Variants in PCSK2 observed in about 807,000 individuals in gnomAD.
PCSK2 encodes the protein neuroendocrine convertase 2.
Under a neutral mutation model 69.7 loss-of-function variants are expected in PCSK2, and 14 were observed. That is an observed-to-expected ratio of 0.20 (90% CI 0.13 to 0.31). PCSK2 has a LOEUF of 0.31. Ranked by LOEUF, PCSK2 falls within the 10% of genes least tolerant of loss-of-function variation. The pLI, the probability that PCSK2 is intolerant of heterozygous loss-of-function variation, is 1.00. For missense variants in PCSK2, 544 were observed against 842.5 expected (o/e 0.65, Z 4.39); for synonymous variants, 307 against 320.7 (o/e 0.96, Z 0.46).
chr20:17,272,478 A>C (rs1961224785), intron 2 of PCSK2, among the ~76,000 whole-genome samples: 1 of 152,114 alleles, frequency 6.6e-6, no homozygotes, highest in Non-Finnish European at 1.5e-5. Flanking sequence ...AGGAACCTTT[A>C]AAAAGGATTT....
intron 2 of PCSK2, among the ~76,000 whole-genome samples, chr20:17,297,582 A>G (rs1389995291): frequency 6.6e-6 from 1 of 152,226 alleles, no homozygotes; most frequent in African/African-American, 2.4e-5. Context: ...TTCCAGGACT[A>G]GCCCCTCCCT....
At chr20:17,266,102 T>A (rs952990410) in intron 2 of PCSK2, among the ~76,000 whole-genome samples, 1 of 152,232 alleles carries the variant, frequency 6.6e-6, no homozygotes, top group Non-Finnish European at 1.5e-5. Context: ...CTCCTGAGTT[T>A]ATGTCACTTA....
chr20:17,360,841 AT>A (rs1426526649), intron 4 of PCSK2, among the ~76,000 whole-genome samples: 1 of 152,070 alleles, frequency 6.6e-6, no homozygotes, highest in East Asian at 1.9e-4. Context: ...CTTAACAAAT[AT>A]TTTTTGAATT....
At chr20:17,309,132 G>A (rs1219325923) in intron 2 of PCSK2, among the ~76,000 whole-genome samples, 1 of 152,190 alleles carries the variant, frequency 6.6e-6, no homozygotes, top group Non-Finnish European at 1.5e-5. Flanking sequence ...ACCAGAGACA[G>A]ATCATGGAGG....
At chr20:17,291,477 G>A (rs1988692433) in intron 2 of PCSK2, among the ~76,000 whole-genome samples, 1 of 152,020 alleles carries the variant, frequency 6.6e-6, no homozygotes, top group African/African-American at 2.4e-5. Flanking sequence ...TAACATTTGG[G>A]TTCTATCAAT....
rs544666165 is a variant in PCSK2 at position 17,435,733 on chromosome 20, G to T, written c.710-975G>T. On this transcript the variant is annotated intron_variant, in intron 7 of 11. Transcript: ENST00000262545. ...GCTTCACTAGCACTCTAAGCTCCAT[G>T]CCACAGAATTGTGAACCCACTGACC... Among the ~76,000 whole-genome samples the T allele has an allele frequency of 4.3e-3, 655 of 152,294 alleles. 5 individuals are homozygous for T. Among genetic ancestry groups the T allele is most frequent in the African/African-American group, 0.015 (642 of 41,568 alleles).
At chr20:17,392,605 G>A (rs368729293) in intron 5 of PCSK2, among the ~76,000 whole-genome samples, 67 of 152,118 alleles carry the variant, frequency 4.4e-4, no homozygotes, top group East Asian at 7.8e-4. Flanking sequence ...TTTCCCACTC[G>A]CAGTCCTGGC....
rs550310954 is a variant in PCSK2 at position 17,450,270 on chromosome 20, C to T, written c.886-3472C>T. On this transcript the variant is annotated intron_variant, in intron 8 of 11. Transcript: ENST00000262545. ...GTCTCGATCTCCTGACCTCGTGATC[C>T]GCCCACCTCGGCCTCCCAAAGTGCT... Among the ~76,000 whole-genome samples, 288 of 151,994 alleles carry T rather than the reference C, an allele frequency of 1.9e-3. 5 individuals are homozygous for T. Among genetic ancestry groups the T allele is most frequent in the Non-Finnish European group, 1.9e-4 (13 of 67,954 alleles).
At chr20:17,375,428 T>C (rs534845399) in intron 5 of PCSK2, among the ~76,000 whole-genome samples, 24 of 152,156 alleles carry the variant, frequency 1.6e-4, no homozygotes, top group Non-Finnish European at 2.9e-4. Context: ...AGAAGACCCA[T>C]TGCTCGTGGC....
chr20:17,341,666 G>A (rs1385568596), intron 2 of PCSK2, among the ~76,000 whole-genome samples: 3 of 152,286 alleles, frequency 2.0e-5, no homozygotes, highest in East Asian at 3.9e-4. Context: ...TTTTCATGGC[G>A]TGTCTTGAGT....
At chr20:17,357,915 A>G (rs1015536691) in intron 2 of PCSK2, among the ~76,000 whole-genome samples, 5 of 151,478 alleles carry the variant, frequency 3.3e-5, no homozygotes, top group African/African-American at 1.2e-4. Flanking sequence ...AAAAAAGAAT[A>G]CTTTTCTCTA....
intron 2 of PCSK2, among the ~76,000 whole-genome samples, chr20:17,285,689 A>T (rs1357018208): frequency 6.6e-6 from 1 of 152,250 alleles, no homozygotes; most frequent in Non-Finnish European, 1.5e-5. Context: ...GCTCAGAGGA[A>T]GTGCCAAAAC....
At chr20:17,244,764 G>T (rs1225231175) in intron 1 of PCSK2, among the ~76,000 whole-genome samples, 2 of 152,104 alleles carry the variant, frequency 1.3e-5, no homozygotes, top group East Asian at 3.9e-4. Flanking sequence ...ATTCACCCAA[G>T]GCATCTGTGA....
rs148038441 is a variant in PCSK2 at position 17,465,395 on chromosome 20, C to T, written c.1272C>T (p.Asp424=). 1,561 of 1,614,160 alleles carry T rather than the reference C, an allele frequency of 9.7e-4. 12 individuals carry two copies. In the African/African-American group the frequency reaches 0.015, roughly 16 times the overall value. The change falls in exon 11 of 12, where the codon GAC becomes GAT. Residue 424 remains aspartate, a synonymous_variant. Coordinates refer to ENST00000262545, the MANE Select transcript of PCSK2 (RefSeq NM_002594.5). The part of the protein sequence containing the change: ...VLTSKRNQLH[D]EVHQWRRNGV... ...CCTCCAAACGGAACCAGCTTCACGACGAGGTCCATCAGTGGCGGCGCAATG... is the reference window on the plus strand; with the variant it reads ...CCTCCAAACGGAACCAGCTTCACGATGAGGTCCATCAGTGGCGGCGCAATG...
chr20:17,367,740 C>T (rs1327873573), intron 4 of PCSK2, among the ~76,000 whole-genome samples: 5 of 152,148 alleles, frequency 3.3e-5, no homozygotes, highest in African/African-American at 9.7e-5. Flanking sequence ...TCAAGCAATC[C>T]TCCTGCCTCA....
intron 6 of PCSK2, among the ~76,000 whole-genome samples, chr20:17,420,809 A>G (rs1454873687): frequency 1.3e-5 from 2 of 152,206 alleles, no homozygotes; most frequent in African/African-American, 2.4e-5. Flanking sequence ...CAGTTCCCTT[A>G]TCTATAAACA....
At chr20:17,366,863 T>C (rs1039886347) in intron 4 of PCSK2, among the ~76,000 whole-genome samples, 11 of 152,188 alleles carry the variant, frequency 7.2e-5, no homozygotes, top group African/African-American at 2.7e-4. Flanking sequence ...TCTCAAATTA[T>C]CTTCTTGCTC....
intron 2 of PCSK2, among the ~76,000 whole-genome samples, chr20:17,262,183 C>G (rs1987415370): frequency 6.6e-6 from 1 of 152,160 alleles, no homozygotes; most frequent in Non-Finnish European, 1.5e-5. Context: ...AATCATTTGT[C>G]TTTCTCTTCA....
chr20:17,436,957 G>A (rs1160357349), intron 8 of PCSK2, 74 bp downstream of exon 8: 4 of 1,291,756 alleles, frequency 3.1e-6, no homozygotes, highest in Non-Finnish European at 4.2e-6. Flanking sequence ...AGATGCAACT[G>A]GGTGAACCAC....
Sources: gnomAD v4.1 joint callset for allele counts (sites outside exome capture counted in the v4.1 genomes callset) on GRCh38, gnomAD v4.1.1 for gene constraint, MANE v1.5 for transcripts, NCBI Gene and HGNC (gene_info 2026-07-23, HGNC 2026-07-21) for gene names.